Variants in SCAPER observed in about 807,000 individuals in gnomAD.
SCAPER encodes the protein S-phase cyclin A associated protein in the ER.
In SCAPER, 98 loss-of-function variants were observed where a neutral mutation model predicts 182.2. The ratio of observed to expected loss-of-function variants is 0.54; its 90% CI spans 0.46 to 0.64. The LOEUF is 0.64. SCAPER is among the 30% of genes least tolerant of loss of function. SCAPER has a pLI of 0.00. For missense variants in SCAPER, 1,432 were observed against 1,690.0 expected (o/e 0.85, Z 2.68); for synonymous variants, 605 against 564.6 (o/e 1.07, Z -1.01).
At chr15:76,562,966 A>C (rs1410427794) in intron 23 of SCAPER, among the ~76,000 whole-genome samples, 1 of 152,208 alleles carries the variant, frequency 6.6e-6, no homozygotes, top group East Asian at 1.9e-4. Flanking sequence ...AAGCCATCAA[A>C]ATGCAGACAG....
intron 8 of SCAPER, among the ~76,000 whole-genome samples, chr15:76,788,649 G>A (rs1431076682): frequency 5.9e-5 from 9 of 152,122 alleles, no homozygotes; most frequent in Admixed American, 5.9e-4. Flanking sequence ...TTATCAGACA[G>A]AAACTATAAT....
intron 20 of SCAPER, among the ~76,000 whole-genome samples, chr15:76,687,090 T>A (rs528419330): frequency 6.6e-6 from 1 of 152,144 alleles, no homozygotes; most frequent in Admixed American, 6.5e-5. Flanking sequence ...TGATAAATCT[T>A]TGGAATACAT....
chr15:76,554,115 A>G (rs574028294), intron 23 of SCAPER, among the ~76,000 whole-genome samples: 1 of 152,350 alleles, frequency 6.6e-6, no homozygotes, highest in South Asian at 2.1e-4. Context: ...AAAAGATGAA[A>G]TGGTCATTTT....
intron 5 of SCAPER, among the ~76,000 whole-genome samples, chr15:76,840,212 G>T (rs1441807125): frequency 6.6e-6 from 1 of 152,092 alleles, no homozygotes; most frequent in Non-Finnish European, 1.5e-5. Flanking sequence ...GAGCCCAGGA[G>T]TTCAAGACTA....
At position 76,404,418 on chromosome 15, in the gene SCAPER, TG is replaced by T. The variant is rs2044677620; in HGVS notation, c.3467+105del. 7 of 1,124,980 alleles carry T rather than the reference TG, an allele frequency of 6.2e-6. No individual in the cohort carries two copies. In the African/African-American group the frequency reaches 1.1e-4, roughly 18 times the overall value. 69.7% of individuals were successfully genotyped at this position (1,124,980 alleles called of 1,614,324 possible). ...ATGGGGAAAGAACAAAGAGGAAAGA[TG>T]GCCAAGATGACCACTTGAATTCCTA... On this transcript the variant is annotated intron_variant, in intron 27 of 31. Transcript: ENST00000563290.
At chr15:76,504,431 T>C (rs1418552303) in intron 24 of SCAPER, among the ~76,000 whole-genome samples, 4 of 152,226 alleles carry the variant, frequency 2.6e-5, no homozygotes, top group Non-Finnish European at 5.9e-5. Context: ...ATGGCACTCT[T>C]CGCCTCTGAC....
intron 21 of SCAPER, among the ~76,000 whole-genome samples, chr15:76,624,244 C>T (rs2052369050): frequency 6.6e-6 from 1 of 152,140 alleles, no homozygotes; most frequent in Non-Finnish European, 1.5e-5. Context: ...TTTCTATACA[C>T]CGATAACATT....
intron 23 of SCAPER, among the ~76,000 whole-genome samples, chr15:76,521,390 A>G (rs1167332765): frequency 1.1e-4 from 1 of 8,724 alleles, no homozygotes; most frequent in African/African-American, 1.3e-4. Flanking sequence ...ATCTAAGGTC[A>G]GAAAAAAAAA....
Position 76,753,826 on chromosome 15 carries a change from T to C in SCAPER, c.1848A>G (p.Ala616=). Residue 616 remains alanine (A), a synonymous_variant, in exon 15 of 32, where the codon GCA becomes GCG. Transcript: ENST00000563290. ...GATATACCTTAGCTTCTTCTTCTTG[T>C]GCTTTTTTCACAATTGCTTGTAACT... The part of the protein sequence containing the change: ...EVQLQAIVKK[A]QEEEAKVNEI... The C allele has an allele frequency of 5.6e-6, 9 of 1,612,732 alleles. No homozygotes were observed. Among genetic ancestry groups the C allele is most frequent in the Non-Finnish European group, 7.6e-6 (9 of 1,179,126 alleles).
chr15:76,688,945 T>C (rs2147103249), intron 20 of SCAPER, among the ~76,000 whole-genome samples: 1 of 147,714 alleles, frequency 6.8e-6, no homozygotes, highest in South Asian at 2.2e-4. Flanking sequence ...ACCTCCTGGG[T>C]TCACGCCATT....
intron 24 of SCAPER, among the ~76,000 whole-genome samples, chr15:76,476,149 C>A (rs2050609804): frequency 6.6e-6 from 1 of 152,202 alleles, no homozygotes. Context: ...CCTGCAGCAG[C>A]ATTCTGGGGT....
intron 26 of SCAPER, among the ~76,000 whole-genome samples, chr15:76,430,427 G>C (rs2046784777): frequency 6.6e-6 from 1 of 152,236 alleles, no homozygotes. Context: ...GCAGCCAAGA[G>C]AGGGGCTATA....
chr15:76,638,261 TTTTC>T (rs2053809663), intron 21 of SCAPER, among the ~76,000 whole-genome samples: 1 of 152,206 alleles, frequency 6.6e-6, no homozygotes, highest in Non-Finnish European at 1.5e-5. Flanking sequence ...TTTTATGCTG[TTTTC>T]TTTATCTAAG....
intron 22 of SCAPER, among the ~76,000 whole-genome samples, chr15:76,612,122 G>A (rs889327277): frequency 6.6e-6 from 1 of 152,048 alleles, no homozygotes; most frequent in African/African-American, 2.4e-5. Context: ...ATAAATAAAC[G>A]GTATTCAAAC....
intron 2 of SCAPER, among the ~76,000 whole-genome samples, chr15:76,867,003 T>A (rs2151902173): frequency 6.6e-6 from 1 of 152,302 alleles, no homozygotes; most frequent in African/African-American, 2.4e-5. Context: ...CAGTGAAAGT[T>A]TTTATGTTCA....
At chr15:76,521,366 C>A (rs908121773) in intron 23 of SCAPER, among the ~76,000 whole-genome samples, 1 of 140,026 alleles carries the variant, frequency 7.1e-6, no homozygotes, top group Non-Finnish European at 1.5e-5. Context: ...ATAGTTGGTG[C>A]TTTAGAAGAC....
chr15:76,865,749 T>C (rs2072241769), intron 2 of SCAPER, among the ~76,000 whole-genome samples: 1 of 152,150 alleles, frequency 6.6e-6, no homozygotes, highest in Non-Finnish European at 1.5e-5. Context: ...ATTCTTCTAC[T>C]CTAATTCTCT....
chr15:76,811,647 G>T (rs1389673966), intron 5 of SCAPER, among the ~76,000 whole-genome samples: 1 of 151,996 alleles, frequency 6.6e-6, no homozygotes, highest in East Asian at 1.9e-4. Flanking sequence ...AAATTAGTTG[G>T]GGTGCTGGCA....
intron 17 of SCAPER, among the ~76,000 whole-genome samples, chr15:76,706,501 T>C (rs2059269050): frequency 6.6e-6 from 1 of 151,922 alleles, no homozygotes; most frequent in Admixed American, 6.6e-5. Context: ...ACTATAAACT[T>C]ATGAAGGAAG....
Sources: gnomAD v4.1 joint callset for allele counts (sites outside exome capture counted in the v4.1 genomes callset) on GRCh38, gnomAD v4.1.1 for gene constraint, MANE v1.5 for transcripts, NCBI Gene and HGNC (gene_info 2026-07-23, HGNC 2026-07-21) for gene names.